The following MROH9 variants were observed in gnomAD, a reference collection of about 807,000 sequenced individuals.
The protein encoded by MROH9 is maestro heat like repeat family member 9, also known as maestro heat-like repeat-containing protein family member 9.
A neutral mutation model predicts 98.2 loss-of-function variants in MROH9; 92 were observed. The ratio of observed to expected loss-of-function variants is 0.94; its 90% confidence interval spans 0.79 to 1.11. The LOEUF is 1.11. MROH9 is among the 50% of genes most tolerant of loss of function. The pLI is 0.00. For synonymous variants in MROH9, 397 were observed against 368.9 expected, an observed-to-expected ratio of 1.08 and a Z score of -0.87; for missense variants, 1,057 against 1,014.8, an observed-to-expected ratio of 1.04 and a Z score of -0.57.
At chr1:171,028,286 C>G (rs1435537715) in intron 20 of MROH9, among the ~76,000 whole-genome samples, 1 of 152,136 alleles carries the variant, frequency 6.6e-6, no homozygotes, top group East Asian at 1.9e-4. Context: ...AATAGGAGAT[C>G]CTTTCCCCAT....
At chr1:170,957,592 A>C (rs1233711929) in intron 3 of MROH9, among the ~76,000 whole-genome samples, 1 of 152,120 alleles carries the variant, frequency 6.6e-6, no homozygotes, top group African/African-American at 2.4e-5. Context: ...TTGAAATCAT[A>C]ACTGTAAGAC....
At chr1:171,055,585 G>A (rs1024163483) in intron 20 of MROH9, among the ~76,000 whole-genome samples, 4 of 143,000 alleles carry the variant, frequency 2.8e-5, no homozygotes, top group African/African-American at 1.1e-4. Flanking sequence ...TCGCTCCACT[G>A]CACTCCAGTT....
chr1:171,023,684 T>C (rs969358809), intron 17 of MROH9, among the ~76,000 whole-genome samples: 1 of 152,224 alleles, frequency 6.6e-6, no homozygotes, highest in African/African-American at 2.4e-5. Context: ...GATATAGGTA[T>C]ACATTGTCAA....
At position 170,945,434 on chromosome 1, in the gene MROH9, A is replaced by T. The variant is rs1438603032; in HGVS notation, c.-37-86A>T. ...AATTAACACAATCCACATACTGTAT[A>T]TCATAGTACCATCCATATTGATAGA... On this transcript the variant is annotated intron_variant, in intron 1 of 21. Transcript: ENST00000367759. 1.3e-5 allele frequency: 11 copies of T among 826,830 alleles called. No individual in the cohort carries two copies. In the South Asian group the frequency reaches 1.6e-4, roughly 12 times the overall value. The allele number at this position is 826,830 out of a possible 1,614,324, so 51.2% of individuals were successfully genotyped here. A position where few individuals can be genotyped will look rare whatever the true frequency, so the allele number is the denominator to read the frequency against.
rs137951871 is a variant in MROH9 at position 171,041,408 on chromosome 1, T to TACACACACAC, written c.2281+16008_2281+16017dup. Reference sequence around the variant, plus strand: ...GTGTGTATGTATTGGTCAAGATACATACACACACACACACACACACACACA... The same window carrying TACACACACAC: ...GTGTGTATGTATTGGTCAAGATACATACACACACACACACACACACACACACACACACACA... On this transcript the variant is annotated intron_variant, in intron 20 of 21. Coordinates refer to ENST00000367759, the MANE Select transcript of MROH9 (RefSeq NM_001163629.2). 1.3e-3 allele frequency among the ~76,000 whole-genome samples: 132 copies of TACACACACAC among 103,034 alleles called. 1 individual carries two copies. Among genetic ancestry groups the TACACACACAC allele is most frequent in the South Asian group, 4.0e-3 (9 of 2,230 alleles). The allele number at this position is 103,034 out of a possible 152,430, so 67.6% of individuals were successfully genotyped here.
At chr1:171,009,567 T>C (rs1652074564) in intron 15 of MROH9, among the ~76,000 whole-genome samples, 1 of 152,222 alleles carries the variant, frequency 6.6e-6, no homozygotes, top group South Asian at 2.1e-4. Flanking sequence ...AAAAAGTTAA[T>C]ATAAACTCTT....
intron 8 of MROH9, among the ~76,000 whole-genome samples, chr1:170,981,639 G>A (rs1650933511): frequency 6.6e-6 from 1 of 151,742 alleles, no homozygotes. Context: ...GAACTTAAAG[G>A]ACGGGTCAAT....
chr1:170,960,209 C>G (rs764871219), intron 5 of MROH9, among the ~76,000 whole-genome samples: 18 of 152,198 alleles, frequency 1.2e-4, no homozygotes, highest in Non-Finnish European at 2.5e-4. Flanking sequence ...CAGCTATGTT[C>G]CTGTATCCCT....
chr1:170,957,524 G>T (rs141884923), intron 3 of MROH9, among the ~76,000 whole-genome samples: 18 of 152,066 alleles, frequency 1.2e-4, no homozygotes, highest in African/African-American at 3.4e-4. Flanking sequence ...CATTCAATTT[G>T]TCTATGAGTC....
At chr1:170,961,518 T>C (rs1399259004) in intron 5 of MROH9, among the ~76,000 whole-genome samples, 1 of 152,188 alleles carries the variant, frequency 6.6e-6, no homozygotes, top group Non-Finnish European at 1.5e-5. Flanking sequence ...TTCATAAACA[T>C]GGAAAATCAA....
At chr1:171,021,652 C>T (rs1054377061) in intron 17 of MROH9, among the ~76,000 whole-genome samples, 1 of 149,332 alleles carries the variant, frequency 6.7e-6, no homozygotes, top group Non-Finnish European at 1.5e-5. Context: ...TACAAACCCT[C>T]GAAGAAAACC....
intron 20 of MROH9, among the ~76,000 whole-genome samples, chr1:171,037,834 A>C (rs1322484664): frequency 1.3e-5 from 2 of 152,068 alleles, no homozygotes; most frequent in African/African-American, 4.8e-5. Flanking sequence ...CAGTGATGAA[A>C]ATATGGAATG....
At position 171,062,188 on chromosome 1, in the gene MROH9, C is replaced by T; in HGVS notation, c.2338C>T (p.Leu780Phe). The T allele has an allele frequency of 1.3e-6, 2 of 1,546,988 alleles. No homozygotes were observed. Among genetic ancestry groups the T allele is most frequent in the African/African-American group, 1.4e-5 (1 of 73,016 alleles). ...GCTTAGAGATGAAATCGAAGTCATG[C>T]TTGATGGTGAGTATTGAGGTTATAA... ...LLLRDEIEVMLDVIERLLRDE... is the reference protein window; with the variant it reads ...LLLRDEIEVMFDVIERLLRDE... Residue 780 changes from leucine to phenylalanine, a missense_variant, in exon 21 of 22, where the codon CTT (leucine) becomes TTT (phenylalanine). Physicochemically the swap from Leu to Phe is conservative, Grantham distance 22. Coordinates refer to ENST00000367759, the MANE Select transcript of MROH9 (RefSeq NM_001163629.2).
chr1:170,969,481 T>C (rs554517724), intron 7 of MROH9, among the ~76,000 whole-genome samples: 20 of 152,328 alleles, frequency 1.3e-4, no homozygotes, highest in South Asian at 1.0e-3. Flanking sequence ...TAATATACTA[T>C]GATGAGTAAT....
rs553655634 is a variant in MROH9 at position 171,050,893 on chromosome 1, A to G, written c.2282-11239A>G. Among the ~76,000 whole-genome samples the G allele has an allele frequency of 4.6e-5, 7 of 152,258 alleles. No individual in the cohort carries two copies. In the South Asian group the frequency reaches 1.5e-3, roughly 32 times the overall value. On this transcript the variant is annotated intron_variant, in intron 20 of 21. Coordinates refer to ENST00000367759, the MANE Select transcript of MROH9 (RefSeq NM_001163629.2). ...ATGAAGGGAAGCTGGATTTTATCAA[A>G]TGCTTTTTCTACATTTATTGCGATG...
At chr1:171,050,269 T>C (rs1406955077) in intron 20 of MROH9, among the ~76,000 whole-genome samples, 1 of 152,194 alleles carries the variant, frequency 6.6e-6, no homozygotes, top group Non-Finnish European at 1.5e-5. Context: ...TTGGGTCTTA[T>C]TTAAATCTTT....
Position 170,959,342 on chromosome 1 carries a change from T to A in MROH9, c.153-120T>A, listed in dbSNP as rs548043130. 1.9e-5 allele frequency: 18 copies of A among 932,202 alleles called. No homozygotes were observed. The African/African-American group carries it at 3.0e-4, about 16-fold the overall frequency. 57.7% of individuals were successfully genotyped at this position (932,202 alleles called of 1,614,324 possible). On this transcript the variant is annotated intron_variant, in intron 4 of 21. Transcript: ENST00000367759. ...GTGAGCCGAGATGGCACCACTGCACTCCAGCCTGGGTGACAGAGCGAGACT... is the reference window on the plus strand; with the variant it reads ...GTGAGCCGAGATGGCACCACTGCACACCAGCCTGGGTGACAGAGCGAGACT...
At position 171,016,172 on chromosome 1, in the gene MROH9, G is replaced by A. The variant is rs1486928849; in HGVS notation, c.1744G>A (p.Val582Ile). The change falls in exon 17 of 22, where the codon GTC (valine) becomes ATC (isoleucine). Residue 582 changes from valine to isoleucine, a missense_variant. Physicochemically the swap from Val to Ile is conservative, Grantham distance 29. Transcript: ENST00000367759. ...MSPIINKTEN[V>I]SSILIAILDA... ...TTCCTTTTATATGTAGACAGAAAATGTCAGCAGTATATTAATAGCCATCCT... is the reference window on the plus strand; with the variant it reads ...TTCCTTTTATATGTAGACAGAAAATATCAGCAGTATATTAATAGCCATCCT... The A allele has an allele frequency of 5.4e-6, 8 of 1,478,150 alleles. No individual in the cohort carries two copies. The highest frequency in any genetic ancestry group is 2.8e-5 in the South Asian group (2 of 70,466). 91.6% of individuals were successfully genotyped at this position (1,478,150 alleles called of 1,614,324 possible).
At chr1:171,064,077 A>G (rs753021459) in intron 21 of MROH9, 22 bp from the exon 22 acceptor site, 2 of 1,518,622 alleles carry the variant, frequency 1.3e-6, no homozygotes, top group Non-Finnish European at 8.8e-7. Flanking sequence ...AACTTGAACT[A>G]AAGTCTCTTC....
Sources: gnomAD v4.1 joint callset for allele counts (sites outside exome capture counted in the v4.1 genomes callset) on GRCh38, gnomAD v4.1.1 for gene constraint, MANE v1.5 for transcripts, NCBI Gene and HGNC (gene_info 2026-07-23, HGNC 2026-07-21) for gene names.